Variants in THADA observed in about 807,000 individuals in gnomAD.
THADA encodes the protein THADA armadillo repeat containing, also known as tRNA (32-2'-O)-methyltransferase regulator THADA.
In THADA, 213 loss-of-function variants were observed where a neutral mutation model predicts 219.8. The observed-to-expected ratio is 0.97, with a 90% CI of 0.87 to 1.09. The LOEUF (loss-of-function observed/expected upper bound fraction) is 1.09, where lower values mean the gene tolerates loss of function less well. Among genes scored for constraint, THADA ranks in the 50% least tolerant of loss-of-function variants. The pLI, the probability that THADA is intolerant of heterozygous loss-of-function variation, is 0.00. For missense variants in THADA, 2,956 were observed against 2,311.3 expected (o/e 1.28, Z -5.72); for synonymous variants, 1,018 against 828.9 (o/e 1.23, Z -3.92).
intron 36 of THADA, among the ~76,000 whole-genome samples, chr2:43,237,916 G>A (rs1474584756): frequency 6.7e-6 from 1 of 150,154 alleles, no homozygotes; most frequent in African/African-American, 2.4e-5. Flanking sequence ...TCAGGAGTTC[G>A]AGACCAGCCT....
intron 26 of THADA, among the ~76,000 whole-genome samples, chr2:43,468,531 G>A (rs1026253645): frequency 2.0e-5 from 3 of 152,088 alleles, no homozygotes; most frequent in Non-Finnish European, 2.9e-5. Flanking sequence ...TGAAAATGAG[G>A]TCCTCCTCAC....
intron 28 of THADA, among the ~76,000 whole-genome samples, chr2:43,422,493 G>A (rs1018314678): frequency 1.3e-5 from 2 of 152,110 alleles, no homozygotes; most frequent in African/African-American, 4.8e-5. Context: ...AGTTCAGGGG[G>A]ACTACAGCCT....
chr2:43,393,643 GGTTGCA>G (rs940467092), intron 29 of THADA, among the ~76,000 whole-genome samples: 32 of 151,754 alleles, frequency 2.1e-4, no homozygotes, highest in African/African-American at 7.7e-4. Context: ...AGAAGGCAGA[GGTTGCA>G]GTGAGCCAAG....
intron 26 of THADA, among the ~76,000 whole-genome samples, chr2:43,432,987 T>TA (rs1201682135): frequency 6.6e-6 from 1 of 152,180 alleles, no homozygotes; most frequent in African/African-American, 2.4e-5. Flanking sequence ...GTTCACTATT[T>TA]AATCAATTTT....
At chr2:43,443,629 A>G (rs1438958646) in intron 26 of THADA, among the ~76,000 whole-genome samples, 1 of 152,258 alleles carries the variant, frequency 6.6e-6, no homozygotes, top group African/African-American at 2.4e-5. Flanking sequence ...CTGTAAGTTC[A>G]AGCTCCTAGG....
rs1423659877 is a variant in THADA at position 43,428,005 on chromosome 2, T to C, written c.4058+95A>G. On this transcript the variant is annotated intron_variant, in intron 28 of 37. Transcript: ENST00000405975. The stretch of plus-strand genomic sequence containing the variant: ...ATATATATATATAAAATATATATGA[T>C]ATATATAAAATAGTTTCTGAAATAA... The C allele has an allele frequency of 5.3e-5, 27 of 507,950 alleles. 1 individual carries two copies. The Middle Eastern group carries it at 2.0e-3, about 38-fold the overall frequency. 31.5% of individuals were successfully genotyped at this position (507,950 alleles called of 1,614,324 possible).
intron 21 of THADA, among the ~76,000 whole-genome samples, chr2:43,535,295 T>C (rs1337037133): frequency 1.3e-5 from 2 of 151,292 alleles, no homozygotes; most frequent in Admixed American, 6.6e-5. Context: ...ATCTTTTGGC[T>C]CTGTTGTTTC....
chr2:43,472,471 C>A (rs760124529), intron 26 of THADA, among the ~76,000 whole-genome samples: 7 of 152,110 alleles, frequency 4.6e-5, no homozygotes, highest in Non-Finnish European at 7.4e-5. Flanking sequence ...TTGAAAGAAC[C>A]TCTTTTATTT....
intron 29 of THADA, among the ~76,000 whole-genome samples, chr2:43,357,772 A>T (rs1669040460): frequency 6.6e-6 from 1 of 152,244 alleles, no homozygotes; most frequent in Admixed American, 6.5e-5. Context: ...TGAAAAAGGA[A>T]GCTGCAAAAA....
At chr2:43,495,113 C>G (rs944792190) in intron 25 of THADA, among the ~76,000 whole-genome samples, 21 of 152,134 alleles carry the variant, frequency 1.4e-4, no homozygotes, top group Admixed American at 4.6e-4. Flanking sequence ...AAAAATCACA[C>G]TTAAAATCAC....
chr2:43,343,132 A>C (rs759684494), intron 30 of THADA: 1 of 152,212 alleles, frequency 6.6e-6, no homozygotes, highest in African/African-American at 2.4e-5. Context: ...GGCCCAAACC[A>C]TCCTCCTGCC....
intron 30 of THADA, among the ~76,000 whole-genome samples, chr2:43,331,288 C>T (rs990880552): frequency 6.6e-6 from 1 of 152,244 alleles, no homozygotes; most frequent in African/African-American, 2.4e-5. Context: ...ACAGATATCT[C>T]TATTCCTATT....
At chr2:43,414,424 C>A (rs780150765) in intron 28 of THADA, among the ~76,000 whole-genome samples, 17 of 152,128 alleles carry the variant, frequency 1.1e-4, no homozygotes, top group Non-Finnish European at 1.9e-4. Context: ...TTCCAGGTAA[C>A]CTCTTGGCTA....
intron 36 of THADA, among the ~76,000 whole-genome samples, chr2:43,279,223 G>A (rs1238287540): frequency 1.3e-5 from 2 of 152,148 alleles, no homozygotes; most frequent in African/African-American, 4.8e-5. Context: ...TACCCAGCTA[G>A]GGTGCTCTTC....
At chr2:43,523,948 C>T (rs1463167537) in intron 22 of THADA, among the ~76,000 whole-genome samples, 2 of 152,108 alleles carry the variant, frequency 1.3e-5, no homozygotes, top group Non-Finnish European at 2.9e-5. Flanking sequence ...AACTTAACAT[C>T]CTAGAAGTCT....
At chr2:43,521,217 A>AGGGCAGGCAGACAAGAAGGC (rs1284734300) in intron 22 of THADA, among the ~76,000 whole-genome samples, 3 of 151,630 alleles carry the variant, frequency 2.0e-5, no homozygotes, top group Non-Finnish European at 4.4e-5. Flanking sequence ...AGAGGGCAGG[A>AGGGCAGGCAGACAAGAAGGC]GGGCAGGCAG....
chr2:43,240,552 T>C (rs1338346236), intron 36 of THADA, among the ~76,000 whole-genome samples: 1 of 152,048 alleles, frequency 6.6e-6, no homozygotes. Flanking sequence ...TAGCCAGGGC[T>C]CTCCACCCAC....
chr2:43,547,033 T>C (rs371936288), intron 20 of THADA, among the ~76,000 whole-genome samples: 75 of 152,170 alleles, frequency 4.9e-4, no homozygotes, highest in African/African-American at 1.2e-3. Flanking sequence ...CCATGTTTAG[T>C]GCTTCCTTCA....
chr2:43,274,956 C>G (rs930264560), intron 36 of THADA, among the ~76,000 whole-genome samples: 1 of 151,122 alleles, frequency 6.6e-6, no homozygotes, highest in Admixed American at 6.6e-5. Context: ...TATCCTGTAT[C>G]AACTCAAGCA....
Sources: gnomAD v4.1 joint callset for allele counts (sites outside exome capture counted in the v4.1 genomes callset) on GRCh38, gnomAD v4.1.1 for gene constraint, MANE v1.5 for transcripts, NCBI Gene and HGNC (gene_info 2026-07-23, HGNC 2026-07-21) for gene names.